The following TMEM132D variants were observed in gnomAD, a reference collection of about 807,000 sequenced individuals.
TMEM132D encodes the protein mature OL transmembrane protein.
Under a neutral mutation model 62.3 loss-of-function variants are expected in TMEM132D, and 21 were observed. The ratio of observed to expected loss-of-function variants is 0.34; its 90% confidence interval spans 0.24 to 0.49. TMEM132D has a LOEUF of 0.49. Among genes scored for constraint, TMEM132D ranks in the 20% least tolerant of loss-of-function variants. TMEM132D has a pLI of 0.99. For missense variants in TMEM132D, 1,346 were observed against 1,402.8 expected (o/e 0.96, Z 0.65); for synonymous variants, 621 against 575.6 (o/e 1.08, Z -1.13).
chr12:129,268,913 G>T (rs1011094367), intron 4 of TMEM132D, among the ~76,000 whole-genome samples: 2 of 150,464 alleles, frequency 1.3e-5, no homozygotes, highest in African/African-American at 2.4e-5. Flanking sequence ...GCAAACTATC[G>T]CAAGGACAAA....
At chr12:129,345,396 C>T (rs1869647380) in intron 3 of TMEM132D, among the ~76,000 whole-genome samples, 1 of 152,262 alleles carries the variant, frequency 6.6e-6, no homozygotes, top group East Asian at 1.9e-4. Flanking sequence ...ACCACAGCAT[C>T]GATTCCAAAG....
rs892850279 is a variant in TMEM132D at position 129,194,891 on chromosome 12, A to G, written c.1443+14629T>C. ...ATCCTCTATGTGACAACCAAGAGAG[A>G]TGGCCCTCTCTGTCCTCATCCACTG... is the stretch of plus-strand genomic sequence containing the variant. On this transcript the variant is annotated intron_variant, in intron 5 of 8. Transcript: ENST00000422113. Among the ~76,000 whole-genome samples the G allele has an allele frequency of 2.6e-4, 40 of 152,272 alleles. 1 individual carries two copies. The highest frequency in any genetic ancestry group is 7.7e-4 in the African/African-American group (32 of 41,562).
chr12:129,713,087 C>G (rs879368036), intron 1 of TMEM132D, among the ~76,000 whole-genome samples: 1 of 152,128 alleles, frequency 6.6e-6, no homozygotes, highest in Non-Finnish European at 1.5e-5. Context: ...GTTCAAGCCA[C>G]GAGATCTTCG....
chr12:129,460,936 A>C (rs957271096), intron 3 of TMEM132D, among the ~76,000 whole-genome samples: 1 of 152,178 alleles, frequency 6.6e-6, no homozygotes, highest in African/African-American at 2.4e-5. Flanking sequence ...CTGGGAAGCA[A>C]ATGTGTGACT....
chr12:129,422,477 A>T (rs1934076713), intron 3 of TMEM132D, among the ~76,000 whole-genome samples: 1 of 152,208 alleles, frequency 6.6e-6, no homozygotes, highest in African/African-American at 2.4e-5. Flanking sequence ...GGTCAAATAA[A>T]TGCAAAATAA....
intron 2 of TMEM132D, among the ~76,000 whole-genome samples, chr12:129,691,190 G>A (rs1420157993): frequency 6.6e-6 from 1 of 151,858 alleles, no homozygotes; most frequent in African/African-American, 2.4e-5. Flanking sequence ...GCAGTGCTTA[G>A]AGAAATATTT....
chr12:129,281,810 T>C (rs1881160674), intron 4 of TMEM132D, among the ~76,000 whole-genome samples: 1 of 152,170 alleles, frequency 6.6e-6, no homozygotes, highest in African/African-American at 2.4e-5. Context: ...TCTCCTGGTA[T>C]TACCTGGGAG....
chr12:129,578,507 A>G, intron 2 of TMEM132D, among the ~76,000 whole-genome samples: 1 of 151,540 alleles, frequency 6.6e-6, no homozygotes, highest in Non-Finnish European at 1.5e-5. Context: ...ATTATACAAT[A>G]CACATGCGCA....
At chr12:129,560,682 C>A (rs546154154) in intron 2 of TMEM132D, among the ~76,000 whole-genome samples, 2 of 152,198 alleles carry the variant, frequency 1.3e-5, no homozygotes, top group Non-Finnish European at 2.9e-5. Context: ...GTAGCTTATG[C>A]TGTGGTAACA....
chr12:129,650,550 T>C (rs1879900474), intron 2 of TMEM132D, among the ~76,000 whole-genome samples: 1 of 152,212 alleles, frequency 6.6e-6, no homozygotes, highest in South Asian at 2.1e-4. Context: ...TCAAAACGAT[T>C]GTAACAAGTC....
intron 5 of TMEM132D, among the ~76,000 whole-genome samples, chr12:129,087,875 GTGT>G (rs1874676514): frequency 2.2e-5 from 3 of 135,640 alleles, no homozygotes; most frequent in Non-Finnish European, 3.2e-5. Flanking sequence ...CCATGACCGG[GTGT>G]CCTCCCTGAC....
At chr12:129,724,980 C>G (rs6486500) in intron 1 of TMEM132D, among the ~76,000 whole-genome samples, 146,423 of 152,268 alleles carry the variant, frequency 0.96, 70,656 homozygotes, top group Middle Eastern at 1. Context: ...ATTGATGAAA[C>G]TGATAGAAAC....
intron 5 of TMEM132D, among the ~76,000 whole-genome samples, chr12:129,088,199 C>T (rs868459890): frequency 5.1e-5 from 2 of 38,970 alleles, no homozygotes; most frequent in Non-Finnish European, 4.6e-5. Context: ...GGGTGTCCTC[C>T]ATGACCGGGT....
chr12:129,144,722 G>A (rs968898178), intron 5 of TMEM132D, among the ~76,000 whole-genome samples: 2 of 146,128 alleles, frequency 1.4e-5, no homozygotes, highest in African/African-American at 2.6e-5. Flanking sequence ...CCTACCTACT[G>A]ACCTACGTAT....
chr12:129,521,962 A>G (rs901663547), intron 3 of TMEM132D: 7 of 152,032 alleles, frequency 4.6e-5, no homozygotes, highest in East Asian at 1.9e-4. Flanking sequence ...GTGACGGCTG[A>G]ACAACCAAAG....
intron 5 of TMEM132D, chr12:129,113,220 G>T (rs1875780529): frequency 6.6e-6 from 1 of 152,148 alleles, no homozygotes; most frequent in South Asian, 2.1e-4. Flanking sequence ...ACTTCAGTCA[G>T]TTGGAGGGAT....
At chr12:129,645,186 C>T (rs893044716) in intron 2 of TMEM132D, among the ~76,000 whole-genome samples, 11 of 152,046 alleles carry the variant, frequency 7.2e-5, no homozygotes, top group African/African-American at 2.7e-4. Context: ...TCCGATACCT[C>T]TGAAAGTCTG....
At chr12:129,751,011 T>C (rs1185437480) in intron 1 of TMEM132D, among the ~76,000 whole-genome samples, 9 of 152,230 alleles carry the variant, frequency 5.9e-5, no homozygotes, top group Non-Finnish European at 1.2e-4. Context: ...TGATTTCTGG[T>C]TTCTGAAAAT....
chr12:129,181,024 G>A (rs1279087867), intron 5 of TMEM132D, among the ~76,000 whole-genome samples: 1 of 152,132 alleles, frequency 6.6e-6, no homozygotes, highest in Non-Finnish European at 1.5e-5. Flanking sequence ...CCAGTTATGA[G>A]GATGCTGCCA....
Sources: allele counts gnomAD v4.1 joint callset (sites outside exome capture counted in the v4.1 genomes callset), GRCh38; gene constraint gnomAD v4.1.1; transcripts MANE v1.5; gene names NCBI Gene and HGNC (gene_info 2026-07-23, HGNC 2026-07-21).